MACROD2: variants seen among roughly 807,000 people sequenced by gnomAD.
MACROD2 encodes the protein ADP-ribose glycohydrolase MACROD2.
A neutral mutation model predicts 70.4 loss-of-function variants in MACROD2; 36 were observed. That is an observed-to-expected ratio of 0.51 (90% CI 0.39 to 0.68). The LOEUF (loss-of-function observed/expected upper bound fraction) is 0.68, where lower values mean the gene tolerates loss of function less well. Among genes scored for constraint, MACROD2 ranks in the 30% least tolerant of loss-of-function variants. The pLI is 0.00. For synonymous variants in MACROD2, 172 were observed against 178.8 expected (o/e 0.96, Z 0.30); for missense variants, 496 against 538.4 (o/e 0.92, Z 0.78).
At chr20:14,979,559 C>T (rs1318433123) in intron 5 of MACROD2, among the ~76,000 whole-genome samples, 1 of 152,176 alleles carries the variant, frequency 6.6e-6, no homozygotes, top group Admixed American at 6.5e-5. Context: ...ATTCAGAGAA[C>T]TCTACCTTCT....
At chr20:15,276,051 T>TA (rs1458907893) in intron 6 of MACROD2, among the ~76,000 whole-genome samples, 3 of 152,270 alleles carry the variant, frequency 2.0e-5, no homozygotes, top group East Asian at 3.9e-4. Flanking sequence ...AGGTGGGTGT[T>TA]ACAAAACTTT....
intron 5 of MACROD2, among the ~76,000 whole-genome samples, chr20:14,710,469 A>G (rs1475209004): frequency 6.6e-6 from 1 of 152,260 alleles, no homozygotes; most frequent in Non-Finnish European, 1.5e-5. Context: ...TTCATCTTGC[A>G]TACTGTGGAA....
Position 14,862,632 on chromosome 20 carries a change from T to TATGTATATAAATATAA in MACROD2, c.418+177675_418+177676insGTATATAAATATAAAT, listed in dbSNP as rs2073376505. 2.3e-3 allele frequency among the ~76,000 whole-genome samples: 17 copies of TATGTATATAAATATAA among 7,270 alleles called. 2 individuals carry two copies. Among genetic ancestry groups the TATGTATATAAATATAA allele is most frequent in the Admixed American group, 3.2e-3 (1 of 312 alleles). The allele number at this position is 7,270 out of a possible 152,430, so 4.8% of individuals were successfully genotyped here. A position where few individuals can be genotyped will look rare whatever the true frequency, so the allele number is the denominator to read the frequency against. The stretch of plus-strand genomic sequence containing the variant: ...ATATATATAAATATATATATATAAA[T>TATGTATATAAATATAA]ATATATATAAATATATATATATAAA... On this transcript the variant is annotated intron_variant, in intron 5 of 17. Coordinates refer to ENST00000684519, the MANE Select transcript of MACROD2 (RefSeq NM_001351661.2).
chr20:14,226,838 C>G lies in MACROD2; in HGVS notation c.271+141110C>G, dbSNP rs547498584. ...GCCAAGCCTCCCCGATGAGCGCCGCCCCCTGCTCCACGGCGCCCAGTCCCA... is the reference window on the plus strand; with the variant it reads ...GCCAAGCCTCCCCGATGAGCGCCGCGCCCTGCTCCACGGCGCCCAGTCCCA... On this transcript the variant is annotated intron_variant, in intron 3 of 17. Transcript: ENST00000684519. Among the ~76,000 whole-genome samples, 8 of 152,350 alleles carry G rather than the reference C, an allele frequency of 5.3e-5. No individual in the cohort carries two copies. The South Asian group carries it at 1.7e-3, about 32-fold the overall frequency.
chr20:15,971,945 G>A (rs975546893), intron 13 of MACROD2, among the ~76,000 whole-genome samples: 3 of 152,168 alleles, frequency 2.0e-5, no homozygotes, highest in African/African-American at 7.2e-5. Flanking sequence ...GAAAGGGCAT[G>A]TTAAAAGTTG....
rs543293184 is a variant in MACROD2, at chr20:14,488,916, T to G, written c.272-4563T>G. On this transcript the variant is annotated intron_variant, in intron 3 of 17. Transcript: ENST00000684519. ...CTCCTCCCTTGTACTTTAACAACAGTAATTCTGTTTTGTTTTATATGTGAA... is the reference window on the plus strand; with the variant it reads ...CTCCTCCCTTGTACTTTAACAACAGGAATTCTGTTTTGTTTTATATGTGAA... Among the ~76,000 whole-genome samples the G allele has an allele frequency of 3.5e-4, 54 of 152,326 alleles. No homozygotes were observed. In the South Asian group the frequency reaches 0.011, roughly 31 times the overall value.
intron 5 of MACROD2, among the ~76,000 whole-genome samples, chr20:15,034,332 TGTTCCAAGGTGAGGCAA>T: frequency 1.3e-5 from 2 of 152,140 alleles, no homozygotes; most frequent in African/African-American, 2.4e-5. Flanking sequence ...GTTACCAAGG[TGTTCCAAGGTGAGGCAA>T]ATAACTTTCT....
At chr20:15,034,312 T>C (rs1191481615) in intron 5 of MACROD2, among the ~76,000 whole-genome samples, 1 of 152,220 alleles carries the variant, frequency 6.6e-6, no homozygotes. Flanking sequence ...GTATCATTTT[T>C]AGTAATGAGG....
intron 3 of MACROD2, among the ~76,000 whole-genome samples, chr20:14,444,841 A>G (rs577173365): frequency 1.3e-5 from 2 of 151,812 alleles, no homozygotes; most frequent in Non-Finnish European, 2.9e-5. Flanking sequence ...GTGTGTATAT[A>G]TATATATGTG....
chr20:15,492,195 G>T (rs373136944), intron 7 of MACROD2, among the ~76,000 whole-genome samples: 1 of 152,156 alleles, frequency 6.6e-6, no homozygotes, highest in Non-Finnish European at 1.5e-5. Flanking sequence ...TAACGGTGAG[G>T]CTCCTTCAGC....
intron 3 of MACROD2, among the ~76,000 whole-genome samples, chr20:14,243,704 C>T (rs117500210): frequency 0.023 from 3,521 of 152,196 alleles, 73 homozygotes; most frequent in South Asian, 0.084. Flanking sequence ...CCCAATTCAC[C>T]GCTTTCATGG....
intron 5 of MACROD2, among the ~76,000 whole-genome samples, chr20:15,107,548 C>CT (rs145397339): frequency 1.7e-3 from 246 of 145,312 alleles, no homozygotes; most frequent in East Asian, 1.8e-3. Context: ...TGCTTCCTAT[C>CT]TTTTTTTTTT....
At chr20:14,434,940 C>G (rs529584330) in intron 3 of MACROD2, among the ~76,000 whole-genome samples, 5 of 152,262 alleles carry the variant, frequency 3.3e-5, no homozygotes, top group African/African-American at 1.2e-4. Flanking sequence ...CTCAGTGAAT[C>G]AGCTACAGCT....
intron 6 of MACROD2, among the ~76,000 whole-genome samples, chr20:15,368,267 C>T (rs917084087): frequency 4.0e-5 from 6 of 151,858 alleles, no homozygotes; most frequent in African/African-American, 1.5e-4. Context: ...GCAGAGCCAT[C>T]AATTGGTGTT....
intron 7 of MACROD2, among the ~76,000 whole-genome samples, chr20:15,493,513 A>G (rs2047257172): frequency 6.6e-6 from 1 of 152,206 alleles, no homozygotes; most frequent in Non-Finnish European, 1.5e-5. Flanking sequence ...TCCAAAAAGG[A>G]CAGTTTTACT....
At chr20:15,654,431 A>C (rs562219829) in intron 8 of MACROD2, among the ~76,000 whole-genome samples, 8 of 152,342 alleles carry the variant, frequency 5.3e-5, no homozygotes, top group Admixed American at 1.3e-4. Flanking sequence ...TCAGAAGTCT[A>C]CGTATTAGGT....
chr20:14,165,458 A>G (rs2055253963), intron 3 of MACROD2, among the ~76,000 whole-genome samples: 1 of 152,046 alleles, frequency 6.6e-6, no homozygotes, highest in Non-Finnish European at 1.5e-5. Flanking sequence ...GTTGAATGCC[A>G]GTGTTCTTTC....
At chr20:15,527,063 G>T (rs952724949) in intron 8 of MACROD2, among the ~76,000 whole-genome samples, 2 of 152,094 alleles carry the variant, frequency 1.3e-5, no homozygotes, top group Admixed American at 1.3e-4. Context: ...TTAAGTATGG[G>T]GAAGTAAGCT....
chr20:15,708,716 AAAAT>A (rs2050576165), intron 8 of MACROD2, among the ~76,000 whole-genome samples: 2 of 140,728 alleles, frequency 1.4e-5, no homozygotes, highest in African/African-American at 2.5e-5. Flanking sequence ...CTACAAATAA[AAAAT>A]AAATAAATTA....
Sources: gnomAD v4.1 joint callset for allele counts (sites outside exome capture counted in the v4.1 genomes callset) on GRCh38, gnomAD v4.1.1 for gene constraint, MANE v1.5 for transcripts, NCBI Gene and HGNC (gene_info 2026-07-23, HGNC 2026-07-21) for gene names.